UTP20: variants seen among roughly 807,000 people sequenced by gnomAD.
The protein encoded by UTP20 is small subunit processome component 20 homolog.
Under a neutral mutation model 329.5 loss-of-function variants are expected in UTP20, and 164 were observed. The ratio of observed to expected loss-of-function variants is 0.50; its 90% CI spans 0.44 to 0.57. The LOEUF is 0.57. UTP20 is among the 20% of genes least tolerant of loss of function. The pLI is 0.00. For synonymous variants in UTP20, 1,151 were observed against 1,159.3 expected, an observed-to-expected ratio of 0.99 and a Z score of 0.14; for missense variants, 3,055 against 3,284.2, an observed-to-expected ratio of 0.93 and a Z score of 1.71.
chr12:101,332,994 C>T (rs1421766157), intron 27 of UTP20, among the ~76,000 whole-genome samples: 1 of 152,052 alleles, frequency 6.6e-6, no homozygotes, highest in Non-Finnish European at 1.5e-5. Context: ...CAGGATTTTA[C>T]TTGAATGAAA....
At position 101,354,933 on chromosome 12, in the gene UTP20, G is replaced by A. The variant is rs868446613; in HGVS notation, c.5209G>A (p.Gly1737Arg). Residue 1737 changes from glycine to arginine, a missense_variant, in exon 41 of 62, where the codon GGA becomes AGA. Physicochemically the swap from Gly to Arg is moderately radical, Grantham distance 125. Around this residue, in one of 3 missense-constraint regions of UTP20, gnomAD observed 2,445 missense variants for 2,575.5 expected, o/e 0.95. Transcript: ENST00000261637. ...TACATGCAAGAGTTTGTCAGACAAC[G>A]GACAACCGGGAACCCCTGATCCAGC... ...EYTCKSLSDN[G>R]QPGTPDPADS... 16 of 1,614,128 alleles carry A rather than the reference G, an allele frequency of 9.9e-6. No homozygotes were observed. The highest frequency in any genetic ancestry group is 1.1e-5 in the Non-Finnish European group (13 of 1,180,014).
At chr12:101,374,687 C>A in intron 54 of UTP20, 121 bp from the exon 55 acceptor site, 1 of 624,262 alleles carries the variant, frequency 1.6e-6, no homozygotes, top group Non-Finnish European at 2.8e-6. Flanking sequence ...TTTCTGGCAT[C>A]AGAAAGAAAT....
chr12:101,302,296 A>G (rs748922715), intron 14 of UTP20, 152 bp from the exon 15 acceptor site: 15 of 589,424 alleles, frequency 2.5e-5, no homozygotes, highest in South Asian at 1.0e-4. Flanking sequence ...TCTTTCTGTT[A>G]TATTTGGATG....
intron 29 of UTP20, among the ~76,000 whole-genome samples, chr12:101,337,255 A>T (rs1343723122): frequency 6.6e-6 from 1 of 152,264 alleles, no homozygotes; most frequent in Non-Finnish European, 1.5e-5. Flanking sequence ...ATAACCTCTT[A>T]GAACTTTTCT....
Position 101,353,096 on chromosome 12 carries a change from G to A in UTP20, c.5074G>A (p.Glu1692Lys). 2 of 1,598,346 alleles carry A rather than the reference G, an allele frequency of 1.3e-6. No individual in the cohort carries two copies. The highest frequency in any genetic ancestry group is 2.2e-5 in the East Asian group (1 of 44,534). ...EAFHFDHKTLEEQMGKIENEE... is the reference protein window; with the variant it reads ...EAFHFDHKTLKEQMGKIENEE... ...ATTCCACTTTGACCACAAAACTCTT[G>A]AAGAACAAATGGGAAAAATTGAGAA... The change falls in exon 40 of 62, where the codon GAA becomes AAA. Residue 1692 changes from glutamate to lysine, a missense_variant. Around this residue, in one of 3 missense-constraint regions of UTP20, gnomAD observed 2,445 missense variants for 2,575.5 expected, o/e 0.95. Coordinates refer to ENST00000261637, the MANE Select transcript of UTP20 (RefSeq NM_014503.3).
intron 43 of UTP20, among the ~76,000 whole-genome samples, chr12:101,358,989 G>A (rs7979339): frequency 0.22 from 33,163 of 152,004 alleles, 8,202 homozygotes; most frequent in African/African-American, 0.58. Flanking sequence ...GATTTCTTTG[G>A]TTTACTCTGG....
At chr12:101,306,232 G>T (rs551669586) in intron 16 of UTP20, among the ~76,000 whole-genome samples, 167 bp downstream of exon 16, 12 of 152,232 alleles carry the variant, frequency 7.9e-5, no homozygotes, top group Middle Eastern at 3.4e-3. Flanking sequence ...AGTAGGATTA[G>T]TTAGGGAGAT....
intron 24 of UTP20, among the ~76,000 whole-genome samples, chr12:101,321,139 T>C (rs1868363005): frequency 6.6e-6 from 1 of 152,192 alleles, no homozygotes; most frequent in Non-Finnish European, 1.5e-5. Context: ...AGAATGTTAA[T>C]TTTAAAACTG....
chr12:101,290,074 G>A (rs1872088253), intron 6 of UTP20, 63 bp from the exon 7 acceptor site: 15 of 1,243,116 alleles, frequency 1.2e-5, no homozygotes, highest in Non-Finnish European at 1.4e-5. Context: ...GCAAATGAGA[G>A]TTCTTCATTT....
intron 56 of UTP20, among the ~76,000 whole-genome samples, chr12:101,376,963 G>T (rs537767864): frequency 1.7e-3 from 251 of 151,564 alleles, no homozygotes; most frequent in African/African-American, 5.5e-3. Flanking sequence ...TTGTATTTCT[G>T]TAGAGACAGG....
Position 101,295,911 on chromosome 12 carries a change from A to G in UTP20, c.1430+253A>G, listed in dbSNP as rs548970541. On this transcript the variant is annotated intron_variant, in intron 12 of 61. Coordinates refer to ENST00000261637, the MANE Select transcript of UTP20 (RefSeq NM_014503.3). The stretch of plus-strand genomic sequence containing the variant: ...TACAGAAACTTGTTAACTTTGTTTA[A>G]TCAGAAGGATGGTAAGGGAAAGACA... 2.0e-5 allele frequency among the ~76,000 whole-genome samples: 3 copies of G among 152,346 alleles called. No homozygotes were observed. The South Asian group carries it at 6.2e-4, about 32-fold the overall frequency.
At chr12:101,287,107 C>T (rs757198551) in intron 5 of UTP20, among the ~76,000 whole-genome samples, 32 of 152,052 alleles carry the variant, frequency 2.1e-4, no homozygotes, top group African/African-American at 5.6e-4. Context: ...CTTGGTCTTC[C>T]GGTTGTTTTC....
At chr12:101,363,493 C>T in intron 44 of UTP20, 83 bp from the exon 45 acceptor site, 1 of 1,283,808 alleles carries the variant, frequency 7.8e-7, no homozygotes, top group Non-Finnish European at 1.1e-6. Context: ...TTTGGACATA[C>T]CAGGGCCTTT....
chr12:101,375,610 C>T lies in UTP20; in HGVS notation c.7264-14C>T, dbSNP rs745704390. On this transcript the variant is annotated splice_polypyrimidine_tract_variant and intron_variant, in intron 55 of 61. Transcript: ENST00000261637. ...ATTGTTGTTTTCATTGATTTACATCCGTCTTGTTTTTAGATCATGGAAGAA... is the reference window on the plus strand; with the variant it reads ...ATTGTTGTTTTCATTGATTTACATCTGTCTTGTTTTTAGATCATGGAAGAA... 2.6e-5 allele frequency: 42 copies of T among 1,607,564 alleles called. No individual in the cohort carries two copies. The highest frequency in any genetic ancestry group is 3.3e-4 in the Middle Eastern group (2 of 6,040).
intron 5 of UTP20, among the ~76,000 whole-genome samples, chr12:101,286,760 A>C (rs1448490564): frequency 6.6e-6 from 1 of 151,956 alleles, no homozygotes; most frequent in Non-Finnish European, 1.5e-5. Flanking sequence ...ACAAACAGGC[A>C]CCTTTGCCAG....
At chr12:101,299,182 A>G (rs1247630579) in intron 12 of UTP20, among the ~76,000 whole-genome samples, 1 of 152,212 alleles carries the variant, frequency 6.6e-6, no homozygotes, top group African/African-American at 2.4e-5. Flanking sequence ...ACAGAATGTC[A>G]TGTCGAAAAA....
At chr12:101,317,686 A>T (rs1272759737) in intron 22 of UTP20, 23 bp downstream of exon 22, 2 of 1,585,644 alleles carry the variant, frequency 1.3e-6, no homozygotes, top group Non-Finnish European at 1.7e-6. Flanking sequence ...TTGCTGAAAG[A>T]TCACAGATCC....
chr12:101,340,549 A>G lies in UTP20; in HGVS notation c.4040A>G (p.Glu1347Gly). Residue 1347 changes from glutamate (E) to glycine (G), a missense_variant, in exon 32 of 62, where the codon GAA becomes GGA. Transcript: ENST00000261637. ...ATCAGCAAGTTTATGAAAGACAAAG[A>G]ACAAAGTTCTGTACTCATTACGCTT... Reference protein sequence around the residue: ...SKISKFMKDKEQSSVLITLLL... With the variant: ...SKISKFMKDKGQSSVLITLLL... 1.9e-6 allele frequency: 3 copies of G among 1,610,042 alleles called. No homozygotes were observed. The highest frequency in any genetic ancestry group is 2.5e-6 in the Non-Finnish European group (3 of 1,178,524).
At chr12:101,310,879 C>T (rs765765587) in intron 19 of UTP20, among the ~76,000 whole-genome samples, 2 of 152,178 alleles carry the variant, frequency 1.3e-5, no homozygotes, top group Non-Finnish European at 2.9e-5. Context: ...CCATCAAAAC[C>T]AGTGTGCCAA....
Sources: allele counts gnomAD v4.1 joint callset (sites outside exome capture counted in the v4.1 genomes callset), GRCh38; gene constraint gnomAD v4.1.1; regional missense constraint gnomAD v4.1.1; transcripts MANE v1.5; gene names NCBI Gene and HGNC (gene_info 2026-07-23, HGNC 2026-07-21).